RPF2: variants seen among roughly 807,000 people sequenced by gnomAD.
RPF2 encodes brix domain containing 1.
In RPF2, 21 loss-of-function variants were observed where a neutral mutation model predicts 38.9. The observed-to-expected ratio is 0.54, with a 90% CI of 0.38 to 0.78. RPF2 has a LOEUF of 0.78. Among genes scored for constraint, RPF2 ranks in the 30% least tolerant of loss-of-function variants. RPF2 has a pLI of 0.00. For synonymous variants in RPF2, 121 were observed against 126.2 expected (o/e 0.96, Z 0.28); for missense variants, 314 against 358.1 (o/e 0.88, Z 0.99).
intron 7 of RPF2, among the ~76,000 whole-genome samples, chr6:111,015,148 C>T (rs546071044): frequency 1.3e-5 from 2 of 152,230 alleles, no homozygotes; most frequent in East Asian, 1.9e-4. Flanking sequence ...AAAATAAATA[C>T]GTAGTAAATT....
At chr6:110,989,147 CAAA>C in intron 3 of RPF2, 82 bp downstream of exon 3, 3 of 1,318,330 alleles carry the variant, frequency 2.3e-6, no homozygotes, top group Non-Finnish European at 2.0e-6. Context: ...ATTTGGAAAA[CAAA>C]AACTTTTTAA....
At chr6:110,992,928 TA>T (rs1284339692) in intron 4 of RPF2, among the ~76,000 whole-genome samples, 1 of 152,064 alleles carries the variant, frequency 6.6e-6, no homozygotes, top group Non-Finnish European at 1.5e-5. Context: ...AAAATAAAAA[TA>T]AAAAAACTTA....
intron 7 of RPF2, among the ~76,000 whole-genome samples, chr6:111,012,161 C>CTTTTTTT (rs1303897053): frequency 8.0e-6 from 1 of 124,582 alleles, no homozygotes; most frequent in African/African-American, 3.0e-5. Flanking sequence ...TTGTTTACAT[C>CTTTTTTT]ATTTTTTTTT....
At chr6:111,005,704 A>G (rs1364138356) in intron 6 of RPF2, among the ~76,000 whole-genome samples, 3 of 152,092 alleles carry the variant, frequency 2.0e-5, no homozygotes, top group Admixed American at 1.3e-4. Flanking sequence ...AGCACGGCTC[A>G]TGGCAGCCTG....
chr6:110,984,789 A>G (rs529500886), intron 1 of RPF2, among the ~76,000 whole-genome samples: 52 of 152,210 alleles, frequency 3.4e-4, no homozygotes, highest in African/African-American at 1.2e-3. Flanking sequence ...GCAGTGAGCC[A>G]AGATTGTGCC....
intron 5 of RPF2, among the ~76,000 whole-genome samples, chr6:110,998,277 T>G (rs1310209403): frequency 6.6e-6 from 1 of 152,154 alleles, no homozygotes; most frequent in African/African-American, 2.4e-5. Context: ...AGGGGCCACA[T>G]GCACGGTGTG....
At chr6:111,016,683 C>CTTTTTTTTTTTTTTTTT (rs1397812113) in intron 8 of RPF2, among the ~76,000 whole-genome samples, 20 of 105,906 alleles carry the variant, frequency 1.9e-4, no homozygotes, top group African/African-American at 6.5e-4. Context: ...TTTTTTTTTT[C>CTTTTTTTTTTTTTTTTT]TTTCTTTTTT....
intron 6 of RPF2, among the ~76,000 whole-genome samples, chr6:111,006,711 G>A (rs964442981): frequency 1.3e-5 from 2 of 152,086 alleles, no homozygotes; most frequent in Non-Finnish European, 2.9e-5. Context: ...AGGCTCAAGC[G>A]ATCCTCCTAC....
At position 110,982,136 on chromosome 6, in the gene RPF2, G is replaced by T; in HGVS notation, c.23+7G>T. On this transcript the variant is annotated splice_region_variant and intron_variant, in intron 1 of 9. Coordinates refer to ENST00000441448, the MANE Select transcript of RPF2 (RefSeq NM_032194.3). ...ACACTCTGGATCGAGTAGTGTAAGT[G>T]CGCTGGGTCTCAGCCCCGGGGAGCG... 1 of 1,614,178 alleles carries T rather than the reference G, an allele frequency of 6.2e-7. No homozygotes were observed. Among genetic ancestry groups the T allele is most frequent in the Non-Finnish European group, 8.5e-7 (1 of 1,180,004 alleles).
intron 6 of RPF2, among the ~76,000 whole-genome samples, chr6:111,005,557 T>C (rs928183523): frequency 6.6e-6 from 1 of 152,228 alleles, no homozygotes; most frequent in Non-Finnish European, 1.5e-5. Flanking sequence ...GTCTATACTT[T>C]CTATAGCTTA....
At chr6:111,024,104 T>G in intron 8 of RPF2, 79 bp from the exon 9 acceptor site, 1 of 1,247,756 alleles carries the variant, frequency 8.0e-7, no homozygotes, top group Non-Finnish European at 1.1e-6. Flanking sequence ...GAATTGTAAA[T>G]CCCCTGAACA....
At chr6:111,020,067 A>C (rs1206359407) in intron 8 of RPF2, among the ~76,000 whole-genome samples, 1 of 151,878 alleles carries the variant, frequency 6.6e-6, no homozygotes, top group Admixed American at 6.6e-5. Flanking sequence ...GGCACCCGCC[A>C]CCACGCCCGG....
At chr6:110,989,783 C>G (rs1384290474) in intron 3 of RPF2, among the ~76,000 whole-genome samples, 1 of 151,970 alleles carries the variant, frequency 6.6e-6, no homozygotes, top group African/African-American at 2.4e-5. Flanking sequence ...CCTCCATGCC[C>G]AGCTCATTTT....
chr6:111,016,687 C>CTT lies in RPF2; in HGVS notation c.596+844_596+845dup, dbSNP rs34370879. 1.8e-3 allele frequency among the ~76,000 whole-genome samples: 174 copies of CTT among 95,338 alleles called. 1 individual carries two copies. Among genetic ancestry groups the CTT allele is most frequent in the African/African-American group, 6.4e-3 (151 of 23,708 alleles). 62.5% of individuals were successfully genotyped at this position (95,338 alleles called of 152,430 possible). A position where few individuals can be genotyped will look rare whatever the true frequency, so the allele number is the denominator to read the frequency against. Reference sequence around the variant, plus strand: ...TTGTGGTTCTTTTTTTTTTTTCTTTCTTTTTTTTTTTTTTAATTGATCATT... The same window carrying CTT: ...TTGTGGTTCTTTTTTTTTTTTCTTTCTTTTTTTTTTTTTTTTAATTGATCATT... On this transcript the variant is annotated intron_variant, in intron 8 of 9. Coordinates refer to ENST00000441448, the MANE Select transcript of RPF2 (RefSeq NM_032194.3).
intron 2 of RPF2, 102 bp downstream of exon 2, chr6:110,985,240 AC>A (rs1771504881): frequency 6.0e-6 from 6 of 1,003,928 alleles, no homozygotes; most frequent in Non-Finnish European, 8.8e-6. Flanking sequence ...AGCTTGCCTT[AC>A]CATAAGAACT....
chr6:110,999,412 T>A (rs1771775005), intron 5 of RPF2, among the ~76,000 whole-genome samples: 1 of 152,216 alleles, frequency 6.6e-6, no homozygotes, highest in South Asian at 2.1e-4. Flanking sequence ...CTCAGTGTAT[T>A]GAGATTGAGC....
At chr6:110,999,500 G>A (rs557238242) in intron 5 of RPF2, among the ~76,000 whole-genome samples, 1 of 152,096 alleles carries the variant, frequency 6.6e-6, no homozygotes, top group African/African-American at 2.4e-5. Flanking sequence ...TAAAGGAGTT[G>A]GGCTAAGTAA....
At chr6:111,021,018 A>G (rs1382498954) in intron 8 of RPF2, among the ~76,000 whole-genome samples, 1 of 152,014 alleles carries the variant, frequency 6.6e-6, no homozygotes, top group Non-Finnish European at 1.5e-5. Context: ...AAATACAAAA[A>G]ATTAGCTGGA....
chr6:110,984,537 T>C (rs1004310793), intron 1 of RPF2, among the ~76,000 whole-genome samples: 1 of 152,096 alleles, frequency 6.6e-6, no homozygotes, highest in African/African-American at 2.4e-5. Flanking sequence ...TTTACTAATA[T>C]CTACCAAAAA....
Sources: gnomAD v4.1 joint callset for allele counts (sites outside exome capture counted in the v4.1 genomes callset) on GRCh38, gnomAD v4.1.1 for gene constraint, MANE v1.5 for transcripts, NCBI Gene and HGNC (gene_info 2026-07-23, HGNC 2026-07-21) for gene names.